Variants in CNTNAP2 observed in about 807,000 individuals in gnomAD.
The protein encoded by CNTNAP2 is contactin associated protein 2.
In CNTNAP2, 98 loss-of-function variants were observed where a neutral mutation model predicts 155.2. The ratio of observed to expected loss-of-function variants is 0.63; its 90% CI spans 0.54 to 0.75. CNTNAP2 has a LOEUF of 0.75. Among genes scored for constraint, CNTNAP2 ranks in the 30% least tolerant of loss-of-function variants. The pLI, the probability that CNTNAP2 is intolerant of heterozygous loss-of-function variation, is 0.00. For missense variants in CNTNAP2, 1,727 were observed against 1,688.1 expected, an observed-to-expected ratio of 1.02 and a Z score of -0.40; for synonymous variants, 651 against 631.2, an observed-to-expected ratio of 1.03 and a Z score of -0.47.
intron 13 of CNTNAP2, among the ~76,000 whole-genome samples, chr7:147,890,309 AG>A (rs1467383355): frequency 6.6e-6 from 1 of 152,228 alleles, no homozygotes; most frequent in African/African-American, 2.4e-5. Context: ...GTATAGTAAA[AG>A]CTTAGAAAGG....
chr7:147,441,852 C>CTCTCTCTCTCTCT (rs1797645195), intron 10 of CNTNAP2, among the ~76,000 whole-genome samples: 2 of 37,632 alleles, frequency 5.3e-5, no homozygotes, highest in African/African-American at 1.7e-4. Context: ...TCTCTCTCTC[C>CTCTCTCTCTCTCT]CTCCCTCCCT....
intron 1 of CNTNAP2, among the ~76,000 whole-genome samples, chr7:146,396,744 C>G (rs1299041273): frequency 1.3e-5 from 2 of 148,800 alleles, no homozygotes; most frequent in Non-Finnish European, 3.0e-5. Context: ...TATAAATATC[C>G]TGCAAAATGT....
At chr7:147,349,206 GTTATACA>G (rs1008048732) in intron 9 of CNTNAP2, among the ~76,000 whole-genome samples, 1 of 151,570 alleles carries the variant, frequency 6.6e-6, no homozygotes, top group Non-Finnish European at 1.5e-5. Context: ...TAATCTGACC[GTTATACA>G]TTATATGTAT....
At position 147,676,846 on chromosome 7, in the gene CNTNAP2, C is replaced by T. The variant is rs1485496953; in HGVS notation, c.2098+37540C>T. Reference sequence around the variant, plus strand: ...GTTGTCACAAATAACAAGATTTCCTCCTTTTTCATGGCTGAATATAGTATT... The same window carrying T: ...GTTGTCACAAATAACAAGATTTCCTTCTTTTTCATGGCTGAATATAGTATT... On this transcript the variant is annotated intron_variant, in intron 13 of 23. Transcript: ENST00000361727. Among the ~76,000 whole-genome samples, 3 of 151,892 alleles carry T rather than the reference C, an allele frequency of 2.0e-5. No homozygotes were observed. The East Asian group carries it at 5.8e-4, about 29-fold the overall frequency.
At chr7:148,293,097 T>A (rs113785957) in intron 21 of CNTNAP2, among the ~76,000 whole-genome samples, 7,432 of 149,328 alleles carry the variant, frequency 0.05, 215 homozygotes, top group African/African-American at 0.056. Context: ...ATAAAATAAA[T>A]GACCAAAATC....
chr7:146,948,215 A>C (rs1797231381), intron 3 of CNTNAP2, among the ~76,000 whole-genome samples: 1 of 151,596 alleles, frequency 6.6e-6, no homozygotes. Context: ...ATTTTATGCC[A>C]ATTTCTTTGC....
chr7:147,356,589 C>G (rs1003296050), intron 9 of CNTNAP2, among the ~76,000 whole-genome samples: 6 of 152,166 alleles, frequency 3.9e-5, no homozygotes, highest in Admixed American at 6.6e-5. Context: ...AGTATTTAGT[C>G]TAGTTTTAAG....
At chr7:146,347,070 G>A (rs777278800) in intron 1 of CNTNAP2, among the ~76,000 whole-genome samples, 3 of 147,550 alleles carry the variant, frequency 2.0e-5, no homozygotes, top group Non-Finnish European at 4.4e-5. Context: ...GTAAGCAGCC[G>A]TAGTTTGGAG....
chr7:146,187,081 A>T (rs1346554643), intron 1 of CNTNAP2, among the ~76,000 whole-genome samples: 5 of 152,192 alleles, frequency 3.3e-5, no homozygotes, highest in Non-Finnish European at 1.5e-5. Context: ...CAAACTTAGA[A>T]ATAATTTTTT....
At position 147,684,468 on chromosome 7, in the gene CNTNAP2, C is replaced by G. The variant is rs554758395; in HGVS notation, c.2098+45162C>G. Among the ~76,000 whole-genome samples the G allele has an allele frequency of 2.6e-5, 4 of 151,788 alleles. No individual in the cohort carries two copies. In the East Asian group the frequency reaches 7.8e-4, roughly 30 times the overall value. On this transcript the variant is annotated intron_variant, in intron 13 of 23. Coordinates refer to ENST00000361727, the MANE Select transcript of CNTNAP2 (RefSeq NM_014141.6). ...TTGACTTTTAGATCCCTATAAAAGCCAATAAGACAAATTTGATTCAATGGG... is the reference window on the plus strand; with the variant it reads ...TTGACTTTTAGATCCCTATAAAAGCGAATAAGACAAATTTGATTCAATGGG...
intron 13 of CNTNAP2, among the ~76,000 whole-genome samples, chr7:147,880,066 C>T (rs746658685): frequency 5.9e-5 from 9 of 152,168 alleles, no homozygotes; most frequent in South Asian, 2.1e-4. Context: ...TTTCTTCTCC[C>T]GCAGCGTTAG....
chr7:147,119,952 C>T (rs773087501), intron 5 of CNTNAP2, among the ~76,000 whole-genome samples: 3 of 152,132 alleles, frequency 2.0e-5, no homozygotes, highest in Non-Finnish European at 2.9e-5. Context: ...ACTATGTAAA[C>T]TTTATCCAGG....
intron 1 of CNTNAP2, among the ~76,000 whole-genome samples, chr7:146,661,227 C>T (rs1800081751): frequency 1.3e-5 from 2 of 152,038 alleles, no homozygotes; most frequent in African/African-American, 4.8e-5. Context: ...CCACAGGCAG[C>T]CCTGGGTGAA....
At chr7:148,257,376 G>A (rs997831854) in intron 20 of CNTNAP2, among the ~76,000 whole-genome samples, 5 of 152,342 alleles carry the variant, frequency 3.3e-5, no homozygotes, top group East Asian at 1.9e-4. Context: ...GCTGTTGCTC[G>A]TTTATTCCAG....
intron 15 of CNTNAP2, among the ~76,000 whole-genome samples, chr7:148,022,285 C>G (rs528420921): frequency 6.6e-6 from 1 of 151,842 alleles, no homozygotes; most frequent in Non-Finnish European, 1.5e-5. Context: ...CCGGGAAACG[C>G]GGTGAAACTC....
chr7:147,422,558 G>T (rs550789534), intron 10 of CNTNAP2, among the ~76,000 whole-genome samples: 42 of 152,180 alleles, frequency 2.8e-4, no homozygotes, highest in African/African-American at 9.2e-4. Flanking sequence ...TTTAGACCCT[G>T]TTTAGATCCT....
intron 4 of CNTNAP2, among the ~76,000 whole-genome samples, chr7:147,068,457 A>G (rs571171689): frequency 1.3e-5 from 2 of 152,264 alleles, no homozygotes; most frequent in African/African-American, 4.8e-5. Context: ...TCCCAGGTTC[A>G]AGCTGATTCT....
intron 2 of CNTNAP2, among the ~76,000 whole-genome samples, chr7:146,813,220 G>C (rs1485092496): frequency 6.6e-6 from 1 of 152,124 alleles, no homozygotes; most frequent in African/African-American, 2.4e-5. Flanking sequence ...ACCAGAGAAT[G>C]GTGGATCCAC....
chr7:147,498,406 T>C (rs1798750084), intron 11 of CNTNAP2, among the ~76,000 whole-genome samples: 1 of 152,236 alleles, frequency 6.6e-6, no homozygotes. Flanking sequence ...AACTCTGTCT[T>C]GAAACTTTTG....
Sources: gnomAD v4.1 joint callset for allele counts (sites outside exome capture counted in the v4.1 genomes callset) on GRCh38, gnomAD v4.1.1 for gene constraint, MANE v1.5 for transcripts, NCBI Gene and HGNC (gene_info 2026-07-23, HGNC 2026-07-21) for gene names.